The following NRG1 variants were observed in gnomAD, a reference collection of about 807,000 sequenced individuals.
The protein encoded by NRG1 is neuregulin 1.
In NRG1, 18 loss-of-function variants were observed where a neutral mutation model predicts 63.8. The ratio of observed to expected loss-of-function variants is 0.28; its 90% CI spans 0.19 to 0.42. The LOEUF (loss-of-function observed/expected upper bound fraction) is 0.42, where lower values mean the gene tolerates loss of function less well. NRG1 is among the 10% of genes least tolerant of loss of function. The pLI, the probability that NRG1 is intolerant of heterozygous loss-of-function variation, is 1.00. For missense variants in NRG1, 762 were observed against 814.7 expected (o/e 0.94, Z 0.79); for synonymous variants, 302 against 301.3 (o/e 1.00, Z -0.02).
chr8:32,227,297 A>G (rs1186499744), intron 1 of NRG1, among the ~76,000 whole-genome samples: 2 of 152,206 alleles, frequency 1.3e-5, no homozygotes, highest in African/African-American at 2.4e-5. Context: ...CAGCAATAAA[A>G]TGCATTATAA....
intron 1 of NRG1, among the ~76,000 whole-genome samples, chr8:32,202,771 T>C (rs1375335653): frequency 2.6e-5 from 4 of 151,242 alleles, no homozygotes; most frequent in African/African-American, 9.7e-5. Flanking sequence ...AGACACTTCC[T>C]CTCTTCCCTC....
intron 1 of NRG1, among the ~76,000 whole-genome samples, chr8:31,714,458 C>A (rs1812149230): frequency 6.6e-6 from 1 of 151,880 alleles, no homozygotes; most frequent in Non-Finnish European, 1.5e-5. Flanking sequence ...TCCATTTTTC[C>A]TTTTGAATCC....
At chr8:31,745,992 C>T (rs1815814170) in intron 1 of NRG1, among the ~76,000 whole-genome samples, 1 of 151,938 alleles carries the variant, frequency 6.6e-6, no homozygotes, top group African/African-American at 2.4e-5. Context: ...TGTGCTGCCT[C>T]TCTTGACGAT....
chr8:32,106,089 C>T (rs578047860), intron 1 of NRG1, among the ~76,000 whole-genome samples: 17 of 152,244 alleles, frequency 1.1e-4, no homozygotes, highest in African/African-American at 2.2e-4. Context: ...AAAGTACAAA[C>T]GTTGTGTGTG....
chr8:31,966,395 T>C (rs902599323), intron 1 of NRG1, among the ~76,000 whole-genome samples: 7 of 152,240 alleles, frequency 4.6e-5, no homozygotes, highest in African/African-American at 1.7e-4. Flanking sequence ...TTCTTAAAAC[T>C]GTGTGTAGAA....
At chr8:32,483,776 A>G (rs139861399) in intron 1 of NRG1, among the ~76,000 whole-genome samples, 4 of 152,084 alleles carry the variant, frequency 2.6e-5, no homozygotes, top group African/African-American at 9.7e-5. Flanking sequence ...CACAGTTTCC[A>G]TCACTGCCTC....
rs140658171 is a variant in NRG1, at chr8:32,660,374, T to G, written c.502+43489T>G. 1.9e-3 allele frequency among the ~76,000 whole-genome samples: 295 copies of G among 152,298 alleles called. 1 individual carries two copies. Among genetic ancestry groups the G allele is most frequent in the Non-Finnish European group, 3.1e-3 (210 of 68,026 alleles). On this transcript the variant is annotated intron_variant, in intron 5 of 11. Coordinates refer to ENST00000356819, the Ensembl canonical transcript of NRG1. ...GAATAAAAGTTACACTGAGGGTAAC[T>G]TGCTTATGGGAGTGGAAGAGGAAGA...
At chr8:31,907,122 G>C (rs752693327) in intron 1 of NRG1, among the ~76,000 whole-genome samples, 26 of 151,934 alleles carry the variant, frequency 1.7e-4, no homozygotes, top group Non-Finnish European at 3.2e-4. Context: ...ACAGCTTTAG[G>C]GCACAATGGA....
intron 1 of NRG1, among the ~76,000 whole-genome samples, chr8:32,175,304 A>G (rs1365688531): frequency 6.6e-6 from 1 of 152,250 alleles, no homozygotes; most frequent in Admixed American, 6.5e-5. Flanking sequence ...AAAACTATCA[A>G]TAAATTAGGT....
intron 1 of NRG1, among the ~76,000 whole-genome samples, chr8:32,468,729 T>G (rs199895286): frequency 1.5e-5 from 2 of 133,444 alleles, no homozygotes; most frequent in Non-Finnish European, 1.5e-5. Context: ...ACAGTTTTTT[T>G]TTTTTTTTTC....
At chr8:31,710,855 A>G (rs1211992687) in intron 1 of NRG1, among the ~76,000 whole-genome samples, 2 of 152,078 alleles carry the variant, frequency 1.3e-5, no homozygotes, top group East Asian at 1.9e-4. Context: ...GAGTGCTGCC[A>G]TATGTTAAAT....
chr8:31,959,057 C>T (rs569315437), intron 1 of NRG1, among the ~76,000 whole-genome samples: 68 of 152,274 alleles, frequency 4.5e-4, no homozygotes, highest in African/African-American at 1.5e-3. Context: ...TCTCTGATAG[C>T]ATTATGATGA....
At chr8:32,414,806 G>C (rs1815624886) in intron 1 of NRG1, among the ~76,000 whole-genome samples, 1 of 152,116 alleles carries the variant, frequency 6.6e-6, no homozygotes, top group African/African-American at 2.4e-5. Flanking sequence ...ATATACAAAA[G>C]CTCAGTAAGT....
intron 1 of NRG1, among the ~76,000 whole-genome samples, chr8:32,248,868 AATTG>A (rs1317410182): frequency 3.3e-5 from 5 of 152,102 alleles, no homozygotes; most frequent in African/African-American, 7.2e-5. Flanking sequence ...CAACCTCATT[AATTG>A]ATTATCAAAA....
At chr8:32,328,914 CGTGGAAG>C (rs56657838) in intron 1 of NRG1, among the ~76,000 whole-genome samples, 14,360 of 152,054 alleles carry the variant, frequency 0.094, 947 homozygotes, top group African/African-American at 0.18. Flanking sequence ...ATGACTGTGA[CGTGGAAG>C]GTGGAAGAAA....
intron 5 of NRG1, among the ~76,000 whole-genome samples, chr8:32,702,647 C>G (rs1815244205): frequency 1.3e-5 from 2 of 152,092 alleles, no homozygotes; most frequent in Admixed American, 1.3e-4. Flanking sequence ...CAATCCACAC[C>G]CGGTTAACTT....
intron 1 of NRG1, among the ~76,000 whole-genome samples, chr8:32,007,720 G>A (rs1219970238): frequency 1.3e-5 from 2 of 152,008 alleles, no homozygotes; most frequent in South Asian, 2.1e-4. Context: ...CCTCAGATTA[G>A]TTTGAGAAAT....
intron 1 of NRG1, among the ~76,000 whole-genome samples, chr8:31,757,014 C>A (rs891667775): frequency 6.6e-6 from 1 of 152,144 alleles, no homozygotes; most frequent in Non-Finnish European, 1.5e-5. Context: ...TCAATATCAC[C>A]ATTCTCTTGC....
chr8:32,400,048 GTACCAA>G (rs1812964992), intron 1 of NRG1, among the ~76,000 whole-genome samples: 1 of 152,086 alleles, frequency 6.6e-6, no homozygotes, highest in Non-Finnish European at 1.5e-5. Flanking sequence ...TTGTTTTGAG[GTACCAA>G]TACCAGTTTC....
Sources: gnomAD v4.1 joint callset for allele counts (sites outside exome capture counted in the v4.1 genomes callset) on GRCh38, gnomAD v4.1.1 for gene constraint, MANE v1.5 for transcripts, NCBI Gene and HGNC (gene_info 2026-07-23, HGNC 2026-07-21) for gene names.